The following PCDH9 variants were observed in gnomAD, a reference collection of about 807,000 sequenced individuals.
The protein encoded by PCDH9 is protocadherin 9, also known as protocadherin-9.
In PCDH9, 24 loss-of-function variants were observed where a neutral mutation model predicts 70.6. The observed-to-expected ratio is 0.34, with a 90% CI of 0.25 to 0.48. The LOEUF is 0.48. Among genes scored for constraint, PCDH9 ranks in the 20% least tolerant of loss-of-function variants. The pLI, the probability that PCDH9 is intolerant of heterozygous loss-of-function variation, is 0.99. For missense variants in PCDH9, 1,281 were observed against 1,503.6 expected (o/e 0.85, Z 2.45); for synonymous variants, 562 against 558.5 (o/e 1.01, Z -0.09).
At chr13:66,818,951 CA>C (rs1186224794) in intron 3 of PCDH9, among the ~76,000 whole-genome samples, 1 of 150,390 alleles carries the variant, frequency 6.6e-6, no homozygotes, top group African/African-American at 2.4e-5. Context: ...AAACAAAAAA[CA>C]AAAAACAAAA....
intron 3 of PCDH9, among the ~76,000 whole-genome samples, chr13:66,881,704 T>C (rs146690111): frequency 3.3e-5 from 5 of 152,216 alleles, no homozygotes; most frequent in Non-Finnish European, 5.9e-5. Context: ...ATAATATGTT[T>C]TCTAGAATTC....
intron 2 of PCDH9, among the ~76,000 whole-genome samples, chr13:66,987,996 C>T (rs1368842180): frequency 6.6e-6 from 1 of 151,742 alleles, no homozygotes; most frequent in Non-Finnish European, 1.5e-5. Flanking sequence ...AGTTCTTGGG[C>T]TCAAGTGATC....
chr13:66,782,397 G>T lies in PCDH9; in HGVS notation c.3138+121107C>A, dbSNP rs1320763157. 2.0e-5 allele frequency among the ~76,000 whole-genome samples: 3 copies of T among 151,976 alleles called. No homozygotes were observed. In the East Asian group the frequency reaches 5.8e-4, roughly 29 times the overall value. Reference sequence around the variant, plus strand: ...AGATTGATTGATTTTTTTCAATGGGGTATCAATCATGGTAATCTCTAGAAC... The same window carrying T: ...AGATTGATTGATTTTTTTCAATGGGTTATCAATCATGGTAATCTCTAGAAC... On this transcript the variant is annotated intron_variant, in intron 3 of 4. Coordinates refer to ENST00000377865, the MANE Select transcript of PCDH9 (RefSeq NM_203487.3).
intron 2 of PCDH9, among the ~76,000 whole-genome samples, chr13:67,034,709 T>A (rs918573967): frequency 6.6e-6 from 1 of 151,808 alleles, no homozygotes; most frequent in South Asian, 2.1e-4. Flanking sequence ...CAGGGGTATA[T>A]GTACAGGTTT....
chr13:66,713,623 G>GCA (rs1555324964), intron 3 of PCDH9, among the ~76,000 whole-genome samples: 4 of 93,032 alleles, frequency 4.3e-5, no homozygotes, highest in Non-Finnish European at 6.4e-5. Flanking sequence ...GTGTGTGTGT[G>GCA]TGTATATATA....
At position 67,228,339 on chromosome 13, in the gene PCDH9, C is replaced by A. The variant is rs908213102; in HGVS notation, c.102G>T (p.Leu34Phe). 11 of 1,614,152 alleles carry A rather than the reference C, an allele frequency of 6.8e-6. No individual in the cohort carries two copies. Among genetic ancestry groups the A allele is most frequent in the Non-Finnish European group, 9.3e-6 (11 of 1,180,006 alleles). Residue 34 changes from leucine (L) to phenylalanine (F), a missense_variant, in exon 2 of 5, where the codon TTG becomes TTT. Physicochemically the swap from Leu to Phe is conservative, Grantham distance 22. This residue lies in a region of PCDH9 where 798 missense variants were observed against 1,003.1 expected (regional missense o/e 0.80). Coordinates refer to ENST00000377865, the MANE Select transcript of PCDH9 (RefSeq NM_203487.3). ...TGTTTCCTATGGGCACATTTTCAGG[C>A]AATTCCTCTCTAATAGTGTAAATAA... is the stretch of plus-strand genomic sequence containing the variant. ...QELIYTIREE[L>F]PENVPIGNIP...
intron 4 of PCDH9, among the ~76,000 whole-genome samples, chr13:66,318,071 G>T (rs560631749): frequency 2.0e-5 from 3 of 152,210 alleles, no homozygotes; most frequent in Non-Finnish European, 2.9e-5. Context: ...TTTGTAGAGA[G>T]AAATTTTGCC....
chr13:66,895,647 T>C (rs1403526939), intron 3 of PCDH9, among the ~76,000 whole-genome samples: 1 of 152,214 alleles, frequency 6.6e-6, no homozygotes, highest in East Asian at 1.9e-4. Context: ...TACGAGAACA[T>C]GCAACTTCAA....
intron 2 of PCDH9, among the ~76,000 whole-genome samples, chr13:66,925,301 T>C (rs1458687148): frequency 6.9e-6 from 1 of 143,912 alleles, no homozygotes; most frequent in East Asian, 2.1e-4. Context: ...TTCCCCATGT[T>C]CAGCATCCTA....
At chr13:66,991,583 A>G (rs1370598697) in intron 2 of PCDH9, among the ~76,000 whole-genome samples, 2 of 152,230 alleles carry the variant, frequency 1.3e-5, no homozygotes, top group East Asian at 3.9e-4. Context: ...TTTGACTTAT[A>G]TATTGAAATT....
At chr13:67,181,401 C>A (rs546558887) in intron 2 of PCDH9, among the ~76,000 whole-genome samples, 4 of 152,058 alleles carry the variant, frequency 2.6e-5, no homozygotes, top group Non-Finnish European at 5.9e-5. Context: ...AAATTCATAT[C>A]ACAGGAGGTT....
chr13:67,188,142 G>A (rs888881826), intron 2 of PCDH9, among the ~76,000 whole-genome samples: 31 of 152,194 alleles, frequency 2.0e-4, no homozygotes, highest in African/African-American at 7.2e-4. Flanking sequence ...GCATTCAGGA[G>A]AAATTGGAAA....
chr13:66,754,698 G>T (rs948782135), intron 3 of PCDH9, among the ~76,000 whole-genome samples: 5 of 152,050 alleles, frequency 3.3e-5, no homozygotes, highest in Admixed American at 2.0e-4. Flanking sequence ...GGTATAAATA[G>T]AAATACAGCT....
chr13:66,595,582 T>C (rs1046831599), intron 4 of PCDH9, among the ~76,000 whole-genome samples: 4 of 151,730 alleles, frequency 2.6e-5, no homozygotes, highest in African/African-American at 9.7e-5. Flanking sequence ...TCTTCCTCTA[T>C]TGCCTTTATG....
intron 2 of PCDH9, among the ~76,000 whole-genome samples, chr13:67,029,614 G>A (rs555415295): frequency 2.6e-5 from 4 of 152,256 alleles, no homozygotes; most frequent in African/African-American, 4.8e-5. Context: ...TGACTAAGAT[G>A]TTTTGCCTTT....
At chr13:66,594,138 G>C (rs1005191298) in intron 4 of PCDH9, among the ~76,000 whole-genome samples, 2 of 151,712 alleles carry the variant, frequency 1.3e-5, no homozygotes, top group Non-Finnish European at 2.9e-5. Flanking sequence ...ATTTTTTGAA[G>C]TCAGAATAAT....
intron 4 of PCDH9, among the ~76,000 whole-genome samples, chr13:66,430,654 CTAT>C (rs1331031479): frequency 6.6e-6 from 1 of 152,040 alleles, no homozygotes; most frequent in Non-Finnish European, 1.5e-5. Flanking sequence ...TCTTAACCTG[CTAT>C]TCACTCTGGG....
At chr13:67,186,525 A>G (rs780059626) in intron 2 of PCDH9, among the ~76,000 whole-genome samples, 11 of 152,150 alleles carry the variant, frequency 7.2e-5, no homozygotes, top group Non-Finnish European at 1.3e-4. Flanking sequence ...AGCTAATGCA[A>G]ATGCTTCTGG....
chr13:66,391,206 G>A (rs145751701), intron 4 of PCDH9, among the ~76,000 whole-genome samples: 2 of 152,094 alleles, frequency 1.3e-5, no homozygotes, highest in African/African-American at 4.8e-5. Flanking sequence ...ACGTCCAATA[G>A]TAACCACAAT....
Sources: allele counts gnomAD v4.1 joint callset (sites outside exome capture counted in the v4.1 genomes callset), GRCh38; gene constraint gnomAD v4.1.1; regional missense constraint gnomAD v4.1.1; transcripts MANE v1.5; gene names NCBI Gene and HGNC (gene_info 2026-07-23, HGNC 2026-07-21).